Variants in MS4A4E observed in about 807,000 individuals in gnomAD.
MS4A4E encodes putative membrane-spanning 4-domains subfamily A member 4E.
MS4A4E carries 23 observed loss-of-function variants against 13.3 expected under a neutral mutation model. That is an observed-to-expected ratio of 1.73 (90% CI 1.25 to 2.45). MS4A4E has a LOEUF of 2.45. Ranked by LOEUF, MS4A4E falls within the 30% of genes most tolerant of loss-of-function variation. MS4A4E has a pLI of 0.00. For missense variants in MS4A4E, 144 were observed against 131.2 expected (o/e 1.10, Z -0.48); for synonymous variants, 36 against 45.6 (o/e 0.79, Z 0.85).
chr11:60,217,487 A>G (rs781315358), intron 3 of MS4A4E, among the ~76,000 whole-genome samples: 9 of 152,060 alleles, frequency 5.9e-5, no homozygotes, highest in Non-Finnish European at 8.8e-5. Flanking sequence ...CACTGCCATC[A>G]GCCTTTTCAC....
chr11:60,224,244 T>C (rs183505365), intron 3 of MS4A4E, among the ~76,000 whole-genome samples: 44 of 152,376 alleles, frequency 2.9e-4, no homozygotes, highest in Admixed American at 1.3e-3. Flanking sequence ...CCAATTCTAA[T>C]TTTAATTTAA....
intron 3 of MS4A4E, among the ~76,000 whole-genome samples, chr11:60,220,984 G>C (rs184371651): frequency 6.6e-6 from 1 of 152,222 alleles, no homozygotes; most frequent in African/African-American, 2.4e-5. Flanking sequence ...CCATAGAACA[G>C]AGCAGATCTA....
At chr11:60,206,956 C>T (rs1247719108) in intron 6 of MS4A4E, among the ~76,000 whole-genome samples, 1 of 152,160 alleles carries the variant, frequency 6.6e-6, no homozygotes, top group Non-Finnish European at 1.5e-5. Context: ...CTGATGACCA[C>T]TGCCCTGGTC....
intron 6 of MS4A4E, among the ~76,000 whole-genome samples, chr11:60,208,173 G>A (rs542343899): frequency 2.3e-4 from 35 of 152,224 alleles, no homozygotes; most frequent in East Asian, 1.9e-3. Context: ...TACAAGTCCC[G>A]TATGTAGGAC....
rs560053333 is a variant in MS4A4E, at chr11:60,204,459, GA to G, written c.659+430del. On this transcript the variant is annotated intron_variant, in intron 8 of 8. Transcript: ENST00000651255. Reference sequence around the variant, plus strand: ...GTTCTGTGGTAGCTTTGTGACCTAGGAAAAATTAATTGTGTGAATGACTGAC... The same window carrying G: ...GTTCTGTGGTAGCTTTGTGACCTAGGAAAATTAATTGTGTGAATGACTGAC... Among the ~76,000 whole-genome samples the G allele has an allele frequency of 1.3e-3, 202 of 152,236 alleles. 1 individual carries two copies. The highest frequency in any genetic ancestry group is 4.7e-3 in the African/African-American group (196 of 41,528).
intron 1 of MS4A4E, among the ~76,000 whole-genome samples, chr11:60,231,577 G>C (rs1209593022): frequency 1.3e-5 from 2 of 152,062 alleles, no homozygotes; most frequent in Admixed American, 1.3e-4. Context: ...TGTAGAAACA[G>C]TATCAAAGAA....
chr11:60,200,274 T>TTTTATTTA lies in MS4A4E; in HGVS notation c.*1261_*1268dup, dbSNP rs200769146. Among the ~76,000 whole-genome samples, 586 of 151,806 alleles carry TTTTATTTA rather than the reference T, an allele frequency of 3.9e-3. 6 individuals are homozygous for TTTTATTTA. Among genetic ancestry groups the TTTTATTTA allele is most frequent in the African/African-American group, 0.013 (555 of 41,336 alleles). ...GGAAAAAAAATACTGGATAAATACT[T>TTTTATTTA]TTTATTTATTTATTTATTTATTTAT... On this transcript the variant is annotated 3_prime_UTR_variant, in exon 9 of 9. Coordinates refer to ENST00000651255, the MANE Select transcript of MS4A4E (RefSeq NM_001393391.1).
At chr11:60,212,545 G>A (rs626011) in intron 5 of MS4A4E, among the ~76,000 whole-genome samples, 63,450 of 151,928 alleles carry the variant, frequency 0.42, 13,638 homozygotes, top group Admixed American at 0.42. Context: ...TCCTGACCTC[G>A]TGATCCGCCT....
chr11:60,237,890 A>G (rs1243352647), intron 1 of MS4A4E, among the ~76,000 whole-genome samples: 2 of 152,046 alleles, frequency 1.3e-5, no homozygotes, highest in Non-Finnish European at 2.9e-5. Flanking sequence ...TTTTATCATA[A>G]AAAGTATTGG....
intron 5 of MS4A4E, among the ~76,000 whole-genome samples, chr11:60,209,777 T>A (rs143341800): frequency 0.014 from 2,096 of 152,352 alleles, 57 homozygotes; most frequent in African/African-American, 0.048. Flanking sequence ...GTTTAAATAT[T>A]CTCTCTTTTT....
chr11:60,238,546 T>C lies in MS4A4E; in HGVS notation c.-17+4412A>G, dbSNP rs539743787. ...TTTCATTCCTGATTTTAGTGATTTC[T>C]TCTTGTAATTTTTGTCATTCAATAT... is the stretch of plus-strand genomic sequence containing the variant. On this transcript the variant is annotated intron_variant, in intron 1 of 8. Coordinates refer to ENST00000651255, the MANE Select transcript of MS4A4E (RefSeq NM_001393391.1). Among the ~76,000 whole-genome samples the C allele has an allele frequency of 9.8e-5, 15 of 152,292 alleles. No homozygotes were observed. In the South Asian group the frequency reaches 2.7e-3, roughly 27 times the overall value.
At position 60,228,637 on chromosome 11, in the gene MS4A4E, G is replaced by C. The variant is rs1267193309; in HGVS notation, c.145-10C>G. 2.9e-6 allele frequency: 2 copies of C among 696,766 alleles called. No individual in the cohort carries two copies. The highest frequency in any genetic ancestry group is 2.0e-5 in the Admixed American group (1 of 49,274). The allele number at this position is 696,766 out of a possible 1,614,324, so 43.2% of individuals were successfully genotyped here. A position where few individuals can be genotyped will look rare whatever the true frequency, so the allele number is the denominator to read the frequency against. ...TATGTCCACACAAAACCTGCACACA[G>C]ATATTTATAGCAACGTTACTCCTAA... On this transcript the variant is annotated splice_polypyrimidine_tract_variant and intron_variant, in intron 2 of 8. Transcript: ENST00000651255.
intron 1 of MS4A4E, among the ~76,000 whole-genome samples, 182 bp downstream of exon 1, chr11:60,242,776 C>G (rs536361703): frequency 6.6e-6 from 1 of 152,148 alleles, no homozygotes; most frequent in Non-Finnish European, 1.5e-5. Flanking sequence ...CCTCAACCAC[C>G]CACAACCCTC....
intron 3 of MS4A4E, among the ~76,000 whole-genome samples, chr11:60,218,134 G>C (rs2084220386): frequency 6.6e-6 from 1 of 152,110 alleles, no homozygotes; most frequent in Admixed American, 6.6e-5. Flanking sequence ...GAGGCTGTAG[G>C]GGTGAAATAG....
rs1050519832 is a variant in MS4A4E, at chr11:60,200,831, C to G, written c.*712G>C. Among the ~76,000 whole-genome samples the G allele has an allele frequency of 4.0e-5, 6 of 150,816 alleles. 1 individual carries two copies. The highest frequency in any genetic ancestry group is 5.9e-5 in the Non-Finnish European group (4 of 68,038). ...TACACTTCCCAGATGGGGTGGTGGC[C>G]GGGCAGAGGGGCTCCTCACTTCCCA... On this transcript the variant is annotated 3_prime_UTR_variant, in exon 9 of 9. Coordinates refer to ENST00000651255, the MANE Select transcript of MS4A4E (RefSeq NM_001393391.1).
intron 1 of MS4A4E, among the ~76,000 whole-genome samples, chr11:60,232,321 A>ACACACACCCC (rs556719466): frequency 6.8e-6 from 1 of 147,324 alleles, no homozygotes; most frequent in African/African-American, 2.5e-5. Flanking sequence ...ACACACACAC[A>ACACACACCCC]CCAAAAATGA....
intron 5 of MS4A4E, among the ~76,000 whole-genome samples, chr11:60,211,504 G>A (rs916356812): frequency 6.6e-6 from 1 of 152,106 alleles, no homozygotes. Flanking sequence ...ATACACATGA[G>A]GGAAGGGCAC....
At chr11:60,238,436 T>C (rs2084510882) in intron 1 of MS4A4E, among the ~76,000 whole-genome samples, 1 of 152,074 alleles carries the variant, frequency 6.6e-6, no homozygotes, top group Non-Finnish European at 1.5e-5. Flanking sequence ...GACCATTTCA[T>C]ATGTTATCTG....
intron 4 of MS4A4E, chr11:60,213,336 T>G: frequency 2.0e-6 from 3 of 1,519,544 alleles, no homozygotes; most frequent in Non-Finnish European, 2.6e-6. Context: ...ATAATTCCTG[T>G]GAGAAGATGA....
Sources: allele counts gnomAD v4.1 joint callset (sites outside exome capture counted in the v4.1 genomes callset), GRCh38; gene constraint gnomAD v4.1.1; transcripts MANE v1.5; gene names NCBI Gene and HGNC (gene_info 2026-07-23, HGNC 2026-07-21).